The following GRID1 variants were observed in gnomAD, a reference collection of about 807,000 sequenced individuals.
The protein encoded by GRID1 is glutamate receptor ionotropic, delta-1.
GRID1 carries 28 observed loss-of-function variants against 98.0 expected under a neutral mutation model. That is an observed-to-expected ratio of 0.29 (90% CI 0.21 to 0.39). GRID1 has a LOEUF of 0.39. Among genes scored for constraint, GRID1 ranks in the 10% least tolerant of loss-of-function variants. GRID1 has a pLI of 1.00. For synonymous variants in GRID1, 553 were observed against 538.5 expected, an observed-to-expected ratio of 1.03 and a Z score of -0.37; for missense variants, 1,111 against 1,340.5, an observed-to-expected ratio of 0.83 and a Z score of 2.67.
intron 4 of GRID1, among the ~76,000 whole-genome samples, chr10:86,112,089 A>G (rs1409977574): frequency 6.6e-6 from 1 of 152,200 alleles, no homozygotes; most frequent in East Asian, 1.9e-4. Context: ...AAAGTGTCTT[A>G]GATGACTCAA....
At chr10:85,936,159 T>C (rs1841922644) in intron 4 of GRID1, among the ~76,000 whole-genome samples, 1 of 152,234 alleles carries the variant, frequency 6.6e-6, no homozygotes, top group Non-Finnish European at 1.5e-5. Context: ...GGAAGGTTTC[T>C]TGGAACAGAT....
At chr10:85,910,552 A>G (rs1358768671) in intron 5 of GRID1, among the ~76,000 whole-genome samples, 1 of 152,196 alleles carries the variant, frequency 6.6e-6, no homozygotes, top group African/African-American at 2.4e-5. Flanking sequence ...AAACTAGTGT[A>G]AGTGATAAGA....
intron 4 of GRID1, among the ~76,000 whole-genome samples, chr10:86,108,085 C>G (rs1282470530): frequency 6.6e-6 from 1 of 152,188 alleles, no homozygotes; most frequent in Non-Finnish European, 1.5e-5. Context: ...AGAGAGCACC[C>G]TGTAACACAT....
intron 4 of GRID1, among the ~76,000 whole-genome samples, chr10:86,034,280 A>C (rs1843225538): frequency 6.6e-6 from 1 of 152,200 alleles, no homozygotes. Flanking sequence ...GCAGAATATC[A>C]AATATATAAA....
At chr10:86,155,811 G>C (rs1211816274) in intron 3 of GRID1, among the ~76,000 whole-genome samples, 3 of 152,164 alleles carry the variant, frequency 2.0e-5, no homozygotes, top group Admixed American at 2.0e-4. Flanking sequence ...ATCTCTAGCC[G>C]GGGCTGGGCT....
chr10:86,127,288 TTCTA>T, intron 4 of GRID1, among the ~76,000 whole-genome samples: 1 of 152,280 alleles, frequency 6.6e-6, no homozygotes, highest in South Asian at 2.1e-4. Flanking sequence ...ATGGAGCCCA[TTCTA>T]TCTTAGTGGC....
intron 2 of GRID1, among the ~76,000 whole-genome samples, chr10:86,221,562 G>A (rs550679028): frequency 1.4e-4 from 22 of 152,292 alleles, no homozygotes; most frequent in African/African-American, 4.6e-4. Context: ...ATGTAGCCTG[G>A]GGTGTCAAGG....
chr10:85,737,887 C>A (rs1841902586), intron 8 of GRID1, among the ~76,000 whole-genome samples: 1 of 151,580 alleles, frequency 6.6e-6, no homozygotes. Flanking sequence ...AGACAGGATG[C>A]AAGAAGTGTT....
At chr10:85,691,450 C>G (rs1046228912) in intron 12 of GRID1, among the ~76,000 whole-genome samples, 9 of 152,168 alleles carry the variant, frequency 5.9e-5, no homozygotes, top group African/African-American at 1.9e-4. Context: ...TCCCCAGATC[C>G]TCGTAGTGAG....
chr10:85,625,896 C>A (rs551242414), intron 13 of GRID1, among the ~76,000 whole-genome samples: 1 of 152,196 alleles, frequency 6.6e-6, no homozygotes. Flanking sequence ...ACTGATTCCA[C>A]CCCTTTTGGA....
chr10:86,124,494 G>A (rs942575992), intron 4 of GRID1, among the ~76,000 whole-genome samples: 2 of 152,060 alleles, frequency 1.3e-5, no homozygotes, highest in African/African-American at 4.8e-5. Flanking sequence ...CTCAATAAAC[G>A]CCTACTTCTT....
In GRID1 at chr10:85,912,732, A is replaced by T. The variant is rs148241540; in HGVS notation, c.780+3454T>A. On this transcript the variant is annotated intron_variant, in intron 5 of 15. Coordinates refer to ENST00000327946, the MANE Select transcript of GRID1 (RefSeq NM_017551.3). The stretch of plus-strand genomic sequence containing the variant: ...AGTTTCAAGAGGTGGGAAGACAAGG[A>T]CCCAGTGAAGCAGCTGAATTCTGGA... 2.5e-3 allele frequency among the ~76,000 whole-genome samples: 377 copies of T among 152,320 alleles called. 3 individuals are homozygous for T. The highest frequency in any genetic ancestry group is 8.9e-3 in the African/African-American group (368 of 41,576).
chr10:85,820,793 G>A (rs1842763241), intron 8 of GRID1, among the ~76,000 whole-genome samples: 1 of 152,114 alleles, frequency 6.6e-6, no homozygotes, highest in Non-Finnish European at 1.5e-5. Flanking sequence ...TAGAAGAATT[G>A]AAATGTTAAT....
At chr10:86,197,269 C>A (rs992245132) in intron 3 of GRID1, among the ~76,000 whole-genome samples, 2 of 152,094 alleles carry the variant, frequency 1.3e-5, no homozygotes, top group East Asian at 1.9e-4. Context: ...GGAAGAGTGT[C>A]CCAGGCAGAG....
chr10:86,202,439 T>A (rs1399290228), intron 3 of GRID1, among the ~76,000 whole-genome samples: 1 of 152,260 alleles, frequency 6.6e-6, no homozygotes, highest in East Asian at 1.9e-4. Flanking sequence ...CCTCGGCCCC[T>A]GCCAATGCAT....
At chr10:85,998,874 C>T (rs1842770799) in intron 4 of GRID1, among the ~76,000 whole-genome samples, 1 of 152,232 alleles carries the variant, frequency 6.6e-6, no homozygotes, top group South Asian at 2.1e-4. Flanking sequence ...ACTCTGTACA[C>T]TTAAACCTAG....
intron 4 of GRID1, among the ~76,000 whole-genome samples, chr10:86,097,604 A>T (rs1012200898): frequency 2.6e-5 from 4 of 152,158 alleles, no homozygotes; most frequent in African/African-American, 9.7e-5. Flanking sequence ...TATCTGGAGA[A>T]CTTTAATACA....
intron 4 of GRID1, among the ~76,000 whole-genome samples, chr10:86,039,008 C>T (rs749734286): frequency 2.6e-5 from 4 of 152,180 alleles, no homozygotes; most frequent in African/African-American, 7.2e-5. Context: ...CAGAAATCCA[C>T]CCCTATTCTC....
At chr10:86,286,018 T>C (rs893451398) in intron 2 of GRID1, among the ~76,000 whole-genome samples, 8 of 152,280 alleles carry the variant, frequency 5.3e-5, no homozygotes, top group African/African-American at 1.9e-4. Context: ...GAGATGTAGA[T>C]ACAGATATAG....
Sources: gnomAD v4.1 joint callset for allele counts (sites outside exome capture counted in the v4.1 genomes callset) on GRCh38, gnomAD v4.1.1 for gene constraint, MANE v1.5 for transcripts, NCBI Gene and HGNC (gene_info 2026-07-23, HGNC 2026-07-21) for gene names.